The following CSNK1A1 variants were observed in gnomAD, a reference collection of about 807,000 sequenced individuals.
CSNK1A1 encodes the protein casein kinase I isoform alpha.
In CSNK1A1, 7 loss-of-function variants were observed where a neutral mutation model predicts 46.1. That is an observed-to-expected ratio of 0.15 (90% confidence interval 0.09 to 0.29). The LOEUF is 0.29. Ranked by LOEUF, CSNK1A1 falls within the 10% of genes least tolerant of loss-of-function variation. The pLI, the probability that CSNK1A1 is intolerant of heterozygous loss-of-function variation, is 1.00. For missense variants in CSNK1A1, 96 were observed against 417.1 expected (o/e 0.23, Z 6.71); for synonymous variants, 137 against 141.5 (o/e 0.97, Z 0.23).
intron 7 of CSNK1A1, among the ~76,000 whole-genome samples, chr5:149,508,096 A>G (rs1307936203): frequency 2.0e-5 from 3 of 152,214 alleles, no homozygotes; most frequent in Non-Finnish European, 4.4e-5. Flanking sequence ...GTAAAGTTAA[A>G]GGAGGCAGTC....
intron 9 of CSNK1A1, among the ~76,000 whole-genome samples, chr5:149,500,435 C>G (rs187520822): frequency 1.2e-3 from 176 of 152,098 alleles, no homozygotes; most frequent in African/African-American, 4.0e-3. Context: ...CCGCGCCCGG[C>G]CCCAGCTACT....
At chr5:149,505,322 T>A in intron 9 of CSNK1A1, 125 bp downstream of exon 9, 2 of 1,429,066 alleles carry the variant, frequency 1.4e-6, no homozygotes, top group East Asian at 2.4e-5. Flanking sequence ...TTTTTTTTTT[T>A]AACGCAGAGC....
intron 2 of CSNK1A1, among the ~76,000 whole-genome samples, chr5:149,548,658 C>T (rs1336245943): frequency 6.6e-6 from 1 of 151,614 alleles, no homozygotes; most frequent in Non-Finnish European, 1.5e-5. Context: ...GTCAGGAGTT[C>T]GAGCCCAGCC....
At position 149,496,646 on chromosome 5, in the gene CSNK1A1, T is replaced by A. The variant is rs1239922978; in HGVS notation, c.*207A>T. 2.3e-5 allele frequency: 11 copies of A among 481,744 alleles called. No homozygotes were observed. The highest frequency in any genetic ancestry group is 3.1e-5 in the Non-Finnish European group (9 of 292,988). 29.8% of individuals were successfully genotyped at this position (481,744 alleles called of 1,614,324 possible). On this transcript the variant is annotated 3_prime_UTR_variant, in exon 10 of 10. Coordinates refer to ENST00000377843, the MANE Select transcript of CSNK1A1 (RefSeq NM_001892.6). ...CCATGTTTCACTATCTCAGTTAATA[T>A]TCACAATTACAGAGGCTACAACTCA...
At chr5:149,543,899 C>T (rs939388061) in intron 2 of CSNK1A1, among the ~76,000 whole-genome samples, 5 of 151,450 alleles carry the variant, frequency 3.3e-5, no homozygotes, top group Non-Finnish European at 1.5e-5. Context: ...GAACCTGCCG[C>T]TAAAAATAAA....
At chr5:149,538,403 T>G (rs1402342566) in intron 2 of CSNK1A1, among the ~76,000 whole-genome samples, 1 of 152,214 alleles carries the variant, frequency 6.6e-6, no homozygotes, top group Non-Finnish European at 1.5e-5. Context: ...GGTTGTTCTC[T>G]TCAACGTACT....
At chr5:149,541,587 C>T (rs143503233) in intron 2 of CSNK1A1, among the ~76,000 whole-genome samples, 1 of 152,196 alleles carries the variant, frequency 6.6e-6, no homozygotes, top group East Asian at 1.9e-4. Flanking sequence ...TGAAGACACT[C>T]ATTCTTGACA....
chr5:149,512,048 T>C (rs1761240659), intron 5 of CSNK1A1, among the ~76,000 whole-genome samples, 176 bp from the exon 6 acceptor site: 1 of 152,154 alleles, frequency 6.6e-6, no homozygotes, highest in African/African-American at 2.4e-5. Context: ...TACCTACCTC[T>C]AAACAAAACT....
chr5:149,512,605 C>T (rs1042813345), intron 5 of CSNK1A1, among the ~76,000 whole-genome samples: 3 of 152,086 alleles, frequency 2.0e-5, no homozygotes, highest in Non-Finnish European at 4.4e-5. Context: ...AAACTAGATC[C>T]TATTAATTTA....
At position 149,517,177 on chromosome 5, in the gene CSNK1A1, T is replaced by C. The variant is rs1761428474; in HGVS notation, c.456+3113A>G. Among the ~76,000 whole-genome samples, 1 of 152,198 alleles carries C rather than the reference T, an allele frequency of 6.6e-6. No individual in the cohort carries two copies. The highest frequency in any genetic ancestry group is 1.5e-5 in the Non-Finnish European group (1 of 68,018). On this transcript the variant is annotated intron_variant, in intron 4 of 9. Coordinates refer to ENST00000377843, the MANE Select transcript of CSNK1A1 (RefSeq NM_001892.6). The surrounding 1 kb of genome is among the most constrained non-coding windows in gnomAD (Gnocchi z 4.4). Reference sequence around the variant, plus strand: ...AATGGTAATCTACCATATAACTTGATAAGTGCTTAAGCTATGTTATTGTTA... The same window carrying C: ...AATGGTAATCTACCATATAACTTGACAAGTGCTTAAGCTATGTTATTGTTA...
At chr5:149,514,132 G>A (rs1420092492) in intron 4 of CSNK1A1, among the ~76,000 whole-genome samples, 3 of 152,054 alleles carry the variant, frequency 2.0e-5, no homozygotes, top group Non-Finnish European at 4.4e-5. Flanking sequence ...CCCAAAAAGC[G>A]CTTAGCATTT....
intron 2 of CSNK1A1, among the ~76,000 whole-genome samples, chr5:149,542,724 C>T (rs1762345577): frequency 9.1e-6 from 1 of 110,022 alleles, no homozygotes; most frequent in East Asian, 2.6e-4. Context: ...GAGACAGAGG[C>T]TCGCTCTGTC....
chr5:149,511,012 A>G (rs550121889), intron 6 of CSNK1A1, among the ~76,000 whole-genome samples: 27 of 152,270 alleles, frequency 1.8e-4, no homozygotes, highest in African/African-American at 6.5e-4. Context: ...AGAACTGGTA[A>G]GGTACCAAAA....
intron 9 of CSNK1A1, chr5:149,502,896 A>G: frequency 1.2e-5 from 7 of 596,272 alleles, no homozygotes; most frequent in Non-Finnish European, 1.5e-5. Context: ...AGCCTCCCAA[A>G]TAGCTGGGAC....
In CSNK1A1 at chr5:149,542,644, A is replaced by ATG. The variant is rs1762315037; in HGVS notation, c.230+7430_230+7431insCA. 3.1e-4 allele frequency among the ~76,000 whole-genome samples: 3 copies of ATG among 9,778 alleles called. 1 individual carries two copies. Among genetic ancestry groups the ATG allele is most frequent in the Non-Finnish European group, 4.3e-4 (3 of 7,050 alleles). The allele number at this position is 9,778 out of a possible 152,430, so 6.4% of individuals were successfully genotyped here. A position where few individuals can be genotyped will look rare whatever the true frequency, so the allele number is the denominator to read the frequency against. On this transcript the variant is annotated intron_variant, in intron 2 of 9. Coordinates refer to ENST00000377843, the MANE Select transcript of CSNK1A1 (RefSeq NM_001892.6). ...TATATATATATATATATATATGTAT[A>ATG]TATATATATATATATATATATATAT...
chr5:149,529,808 T>C (rs1761834568), intron 2 of CSNK1A1: 1 of 451,532 alleles, frequency 2.2e-6, no homozygotes, highest in South Asian at 1.6e-5. Flanking sequence ...CAGTATACAA[T>C]ATGGAAATGG....
intron 9 of CSNK1A1, chr5:149,497,492 A>G (rs1333311223): frequency 2.0e-6 from 2 of 985,746 alleles, no homozygotes; most frequent in Non-Finnish European, 2.4e-6. Flanking sequence ...AAGCCTACAC[A>G]TTCTACAAAT....
At chr5:149,528,167 ACATT>A (rs1761778420) in intron 2 of CSNK1A1, among the ~76,000 whole-genome samples, 1 of 152,148 alleles carries the variant, frequency 6.6e-6, no homozygotes, top group Non-Finnish European at 1.5e-5. Context: ...AAACACACAC[ACATT>A]ATTGGGCATT....
At chr5:149,538,855 G>C (rs975416527) in intron 2 of CSNK1A1, among the ~76,000 whole-genome samples, 3 of 152,154 alleles carry the variant, frequency 2.0e-5, no homozygotes, top group African/African-American at 7.2e-5. Flanking sequence ...CCAGGAGGCG[G>C]ATGTTGCGGT....
Sources: gnomAD v4.1 joint callset for allele counts (sites outside exome capture counted in the v4.1 genomes callset) on GRCh38, gnomAD v4.1.1 for gene constraint, Gnocchi (gnomAD v3.1) non-coding constraint, MANE v1.5 for transcripts, NCBI Gene and HGNC (gene_info 2026-07-23, HGNC 2026-07-21) for gene names.